Variants in TNRC6C observed in about 807,000 individuals in gnomAD.
TNRC6C encodes the protein trinucleotide repeat containing adaptor 6C.
Under a neutral mutation model 153.7 loss-of-function variants are expected in TNRC6C, and 20 were observed. The ratio of observed to expected loss-of-function variants is 0.13; its 90% confidence interval spans 0.09 to 0.19. The LOEUF (loss-of-function observed/expected upper bound fraction) is 0.19. TNRC6C is among the 10% of genes least tolerant of loss of function. The probability of loss-of-function intolerance (pLI) is 1.00; values close to 1 mark genes in which losing one functional copy is unlikely to be tolerated. For synonymous variants in TNRC6C, 811 were observed against 841.4 expected, an observed-to-expected ratio of 0.96 and a Z score of 0.63; for missense variants, 1,987 against 2,172.0, an observed-to-expected ratio of 0.91 and a Z score of 1.69.
At chr17:77,990,458 GC>G (rs1371671273) in intron 1 of TNRC6C, among the ~76,000 whole-genome samples, 1 of 152,018 alleles carries the variant, frequency 6.6e-6, no homozygotes, top group East Asian at 1.9e-4. Context: ...CAGCCTTTAG[GC>G]CCCCCATCAT....
chr17:77,982,884 C>A (rs1042514764), intron 1 of TNRC6C, among the ~76,000 whole-genome samples: 1 of 152,020 alleles, frequency 6.6e-6, no homozygotes, highest in African/African-American at 2.4e-5. Context: ...TAAGTAGTAA[C>A]AGACAAAATG....
At chr17:77,988,380 C>T (rs1283239703) in intron 1 of TNRC6C, among the ~76,000 whole-genome samples, 1 of 152,126 alleles carries the variant, frequency 6.6e-6, no homozygotes, top group Non-Finnish European at 1.5e-5. Flanking sequence ...TCTTTATACA[C>T]ACACACACAC....
chr17:78,007,370 A>G (rs1286992621), intron 1 of TNRC6C, among the ~76,000 whole-genome samples: 4 of 152,268 alleles, frequency 2.6e-5, no homozygotes, highest in East Asian at 3.8e-4. Flanking sequence ...TATTAGCAGC[A>G]TCAAGGTTTA....
intron 1 of TNRC6C, among the ~76,000 whole-genome samples, chr17:77,970,998 G>C (rs998592128): frequency 6.6e-6 from 1 of 151,726 alleles, no homozygotes; most frequent in African/African-American, 2.4e-5. Flanking sequence ...GATAGACCTT[G>C]TCTCAGAAAA....
intron 1 of TNRC6C, among the ~76,000 whole-genome samples, chr17:78,024,831 G>A (rs2071906254): frequency 6.6e-6 from 1 of 150,502 alleles, no homozygotes; most frequent in South Asian, 2.1e-4. Flanking sequence ...GTCTTGCTCT[G>A]TTGCCCAGGC....
chr17:77,993,896 A>C (rs1428665607), intron 1 of TNRC6C, among the ~76,000 whole-genome samples: 1 of 151,800 alleles, frequency 6.6e-6, no homozygotes, highest in Non-Finnish European at 1.5e-5. Context: ...ATTTTGTTTC[A>C]TTATAGAAAC....
At chr17:78,002,564 T>C (rs1381777386), upstream of TNRC6C, among the ~76,000 whole-genome samples, 2 of 152,222 alleles carry the variant, frequency 1.3e-5, no homozygotes, top group East Asian at 1.9e-4. Context: ...TGTATTCTTA[T>C]CTTGCTTCCT....
chr17:78,083,934 A>G (rs1440008435), intron 11 of TNRC6C, among the ~76,000 whole-genome samples: 1 of 152,152 alleles, frequency 6.6e-6, no homozygotes, highest in African/African-American at 2.4e-5. Flanking sequence ...TCATTCTTTA[A>G]TGTGGGTATC....
exon 3 of TNRC6C, chr17:78,051,321 G>T: frequency 6.4e-7 from 1 of 1,551,646 alleles, no homozygotes; most frequent in Non-Finnish European, 8.7e-7. Flanking sequence ...CGGTCATCCA[G>T]AGCAGTACCA....
chr17:77,985,781 G>C (rs2071157851), intron 1 of TNRC6C, among the ~76,000 whole-genome samples: 1 of 152,126 alleles, frequency 6.6e-6, no homozygotes, highest in Non-Finnish European at 1.5e-5. Flanking sequence ...CACAGTCCCT[G>C]CAAATAGTAC....
chr17:77,971,829 G>A (rs559333028), intron 1 of TNRC6C, among the ~76,000 whole-genome samples: 1 of 148,722 alleles, frequency 6.7e-6, no homozygotes, highest in Admixed American at 6.7e-5. Flanking sequence ...TTAAAGAAGA[G>A]CTCACAAGGG....
chr17:78,053,794 G>T (rs1386304584), intron 3 of TNRC6C, among the ~76,000 whole-genome samples: 1 of 152,174 alleles, frequency 6.6e-6, no homozygotes, highest in Non-Finnish European at 1.5e-5. Flanking sequence ...CTACTTGGGA[G>T]GCTGAGGTGG....
intron 16 of TNRC6C, 80 bp from the exon 19 acceptor site, chr17:78,097,665 A>C (rs955648322): frequency 2.0e-6 from 2 of 981,244 alleles, no homozygotes; most frequent in African/African-American, 3.4e-5. Flanking sequence ...TTGATTCCTG[A>C]TGGTTCTCAC....
intron 2 of TNRC6C, among the ~76,000 whole-genome samples, chr17:78,046,205 G>A (rs1288064858): frequency 1.4e-5 from 2 of 141,240 alleles, no homozygotes; most frequent in Admixed American, 1.4e-4. Flanking sequence ...TTTTTGAGAT[G>A]GAGTCTCACT....
chr17:78,004,474 G>C (rs1256279629), upstream of TNRC6C, among the ~76,000 whole-genome samples: 1 of 152,210 alleles, frequency 6.6e-6, no homozygotes, highest in East Asian at 1.9e-4. Context: ...AAGTGTTAGA[G>C]CTGTGTTTTA....
chr17:78,095,164 C>T (rs987882993), intron 16 of TNRC6C, among the ~76,000 whole-genome samples: 1 of 152,166 alleles, frequency 6.6e-6, no homozygotes, highest in Non-Finnish European at 1.5e-5. Flanking sequence ...CGAGTGGTGC[C>T]CAGATGAAGC....
At chr17:78,099,629 A>T (rs1473615869) in intron 17 of TNRC6C, among the ~76,000 whole-genome samples, 2 of 152,202 alleles carry the variant, frequency 1.3e-5, no homozygotes, top group African/African-American at 4.8e-5. Context: ...CCTTCACGAA[A>T]CATGGGAATT....
At chr17:78,051,171 C>G (rs2144004505) in exon 3 of TNRC6C, 1 of 1,577,926 alleles carries the variant, frequency 6.3e-7, no homozygotes, top group Non-Finnish European at 8.6e-7. Flanking sequence ...AACAGAAGGA[C>G]AGCAGTGAAG....
chr17:77,996,666 C>A (rs1473810656), intron 1 of TNRC6C, among the ~76,000 whole-genome samples: 1 of 152,184 alleles, frequency 6.6e-6, no homozygotes, highest in Admixed American at 6.5e-5. Flanking sequence ...TTTCTTAGTT[C>A]CCTTCTTTGG....
Sources: gnomAD v4.1 joint callset for allele counts (sites outside exome capture counted in the v4.1 genomes callset) on GRCh38, gnomAD v4.1.1 for gene constraint, MANE v1.5 for transcripts, NCBI Gene and HGNC (gene_info 2026-07-23, HGNC 2026-07-21) for gene names.